The following PTPRD variants were observed in gnomAD, a reference collection of about 807,000 sequenced individuals.
PTPRD encodes the protein receptor-type tyrosine-protein phosphatase delta.
A neutral mutation model predicts 214.5 loss-of-function variants in PTPRD; 34 were observed. The ratio of observed to expected loss-of-function variants is 0.16; its 90% CI spans 0.12 to 0.21. PTPRD has a LOEUF of 0.21. Among genes scored for constraint, PTPRD ranks in the 10% least tolerant of loss-of-function variants. PTPRD has a pLI of 1.00. For missense variants in PTPRD, 2,545 were observed against 2,398.7 expected (o/e 1.06, Z -1.27); for synonymous variants, 1,128 against 845.7 (o/e 1.33, Z -5.79).
At chr9:9,000,135 AGT>A (rs2099412199) in intron 11 of PTPRD, among the ~76,000 whole-genome samples, 1 of 152,060 alleles carries the variant, frequency 6.6e-6, no homozygotes, top group Non-Finnish European at 1.5e-5. Flanking sequence ...CAAAGTTGAA[AGT>A]ATAGATAATT....
intron 4 of PTPRD, among the ~76,000 whole-genome samples, chr9:9,950,224 CT>C (rs1305392427): frequency 6.6e-6 from 1 of 152,174 alleles, no homozygotes; most frequent in Non-Finnish European, 1.5e-5. Flanking sequence ...CACCTCTCGT[CT>C]TCTCTCTGGG....
At chr9:10,344,096 C>A (rs1255415339) in intron 2 of PTPRD, among the ~76,000 whole-genome samples, 2 of 144,112 alleles carry the variant, frequency 1.4e-5, no homozygotes, top group Non-Finnish European at 3.0e-5. Flanking sequence ...GACATGAAGT[C>A]CTTGCCCATG....
intron 9 of PTPRD, among the ~76,000 whole-genome samples, chr9:9,214,645 C>T (rs1242377832): frequency 2.0e-5 from 3 of 152,068 alleles, no homozygotes; most frequent in Non-Finnish European, 2.9e-5. Flanking sequence ...TTTTTGTACA[C>T]ATTTGTTTTT....
chr9:8,847,357 AT>A (rs2097719211), intron 11 of PTPRD, among the ~76,000 whole-genome samples: 1 of 152,112 alleles, frequency 6.6e-6, no homozygotes, highest in Admixed American at 6.5e-5. Context: ...TAACCTAACT[AT>A]AAAAAAAACC....
intron 5 of PTPRD, among the ~76,000 whole-genome samples, chr9:9,861,281 AT>A (rs555516783): frequency 4.6e-5 from 7 of 151,742 alleles, no homozygotes; most frequent in Non-Finnish European, 7.4e-5. Context: ...ATTTTATTTT[AT>A]TTTTTTGTTT....
At position 9,309,650 on chromosome 9, in the gene PTPRD, T is replaced by G. The variant is rs188045927; in HGVS notation, c.-203+87799A>C. 7.8e-4 allele frequency among the ~76,000 whole-genome samples: 119 copies of G among 152,268 alleles called. 2 individuals are homozygous for G. The highest frequency in any genetic ancestry group is 5.3e-4 in the Non-Finnish European group (36 of 68,010). ...CTAACCCACCATACACAGTATAATC[T>G]GTGGCTCTCCATCTTGTCTATGCTA... On this transcript the variant is annotated intron_variant, in intron 9 of 45. Coordinates refer to ENST00000381196, the MANE Select transcript of PTPRD (RefSeq NM_002839.4).
intron 5 of PTPRD, among the ~76,000 whole-genome samples, chr9:9,840,066 C>A (rs112499217): frequency 6.6e-6 from 1 of 151,848 alleles, no homozygotes; most frequent in Non-Finnish European, 1.5e-5. Context: ...GAGACAGAGT[C>A]TCGCTCTGTC....
chr9:8,941,068 T>C (rs1039888754), intron 11 of PTPRD, among the ~76,000 whole-genome samples: 1 of 152,112 alleles, frequency 6.6e-6, no homozygotes, highest in African/African-American at 2.4e-5. Context: ...TAAACCCATC[T>C]CAAGAAATCA....
intron 5 of PTPRD, among the ~76,000 whole-genome samples, chr9:9,911,958 A>G (rs1198039183): frequency 6.6e-6 from 1 of 152,110 alleles, no homozygotes; most frequent in African/African-American, 2.4e-5. Flanking sequence ...TTATACTACC[A>G]TAATTCATTA....
chr9:10,047,409 A>ATGAT (rs1283088291), intron 3 of PTPRD, among the ~76,000 whole-genome samples: 1 of 151,166 alleles, frequency 6.6e-6, no homozygotes, highest in African/African-American at 2.4e-5. Context: ...TGAACACACA[A>ATGAT]TGATTGTTAG....
chr9:8,517,499 C>T (rs1001289070), intron 21 of PTPRD, among the ~76,000 whole-genome samples: 4 of 152,192 alleles, frequency 2.6e-5, no homozygotes, highest in Non-Finnish European at 4.4e-5. Context: ...AAATTAAATA[C>T]TCTTTTGAGA....
At chr9:9,292,845 T>C (rs1569567123) in intron 9 of PTPRD, among the ~76,000 whole-genome samples, 1 of 147,176 alleles carries the variant, frequency 6.8e-6, no homozygotes, top group Non-Finnish European at 1.5e-5. Flanking sequence ...TTCTGAGCTT[T>C]TTTGTTTGTT....
intron 8 of PTPRD, among the ~76,000 whole-genome samples, chr9:9,412,555 G>C (rs1334095973): frequency 6.6e-6 from 1 of 151,950 alleles, no homozygotes; most frequent in East Asian, 1.9e-4. Context: ...CCAGCCTCAG[G>C]CCACTCTCCT....
chr9:10,052,097 A>G (rs532718579), intron 3 of PTPRD, among the ~76,000 whole-genome samples: 46 of 152,232 alleles, frequency 3.0e-4, no homozygotes, highest in Middle Eastern at 3.4e-3. Context: ...GGCAGGTGCC[A>G]CCATGCTCAG....
At chr9:8,558,461 A>T in intron 14 of PTPRD, among the ~76,000 whole-genome samples, 1 of 152,164 alleles carries the variant, frequency 6.6e-6, no homozygotes, top group Admixed American at 6.5e-5. Context: ...GCCACATCCT[A>T]ACCTTGGATT....
intron 11 of PTPRD, among the ~76,000 whole-genome samples, chr9:8,946,691 C>T (rs984100366): frequency 6.6e-6 from 1 of 152,058 alleles, no homozygotes; most frequent in Non-Finnish European, 1.5e-5. Flanking sequence ...CTTTTATCTT[C>T]CTTTAGAGTC....
chr9:10,060,940 CTT>C (rs1389432704), intron 3 of PTPRD, among the ~76,000 whole-genome samples: 2 of 127,438 alleles, frequency 1.6e-5, no homozygotes, highest in Non-Finnish European at 3.2e-5. Flanking sequence ...TTCTTTCTTT[CTT>C]TCTTTCTTTC....
chr9:9,177,083 A>G (rs779477999), intron 10 of PTPRD, among the ~76,000 whole-genome samples: 20 of 152,158 alleles, frequency 1.3e-4, no homozygotes, highest in Non-Finnish European at 2.5e-4. Context: ...AAGAGGTTTA[A>G]TTGACTCACA....
intron 12 of PTPRD, among the ~76,000 whole-genome samples, chr9:8,651,943 C>T (rs1052926077): frequency 1.2e-4 from 18 of 152,182 alleles, no homozygotes; most frequent in Non-Finnish European, 2.2e-4. Flanking sequence ...TAATTTGTAT[C>T]CCCAGGCAGT....
Sources: allele counts gnomAD v4.1 joint callset (sites outside exome capture counted in the v4.1 genomes callset), GRCh38; gene constraint gnomAD v4.1.1; transcripts MANE v1.5; gene names NCBI Gene and HGNC (gene_info 2026-07-23, HGNC 2026-07-21).